The following GSTM3 variants were observed in gnomAD, a reference collection of about 807,000 sequenced individuals.
The protein encoded by GSTM3 is GST class-mu 3.
A neutral mutation model predicts 36.1 loss-of-function variants in GSTM3; 34 were observed. That is an observed-to-expected ratio of 0.94 (90% CI 0.72 to 1.25). The LOEUF (loss-of-function observed/expected upper bound fraction) is 1.25. GSTM3 is among the 50% of genes most tolerant of loss of function. The pLI is 0.00. For missense variants in GSTM3, 266 were observed against 281.6 expected, an observed-to-expected ratio of 0.94 and a Z score of 0.40; for synonymous variants, 102 against 99.5, an observed-to-expected ratio of 1.03 and a Z score of -0.15.
intron 4 of GSTM3, 50 bp from the exon 5 acceptor site, chr1:109,738,416 C>A: frequency 8.7e-7 from 1 of 1,150,314 alleles, no homozygotes. Context: ...TCTCTTGATT[C>A]CCTACCTCTC....
At position 109,735,013 on chromosome 1, in the gene GSTM3, C is replaced by G. The variant is rs1399656313; in HGVS notation, c.*2058G>C. ...TAAAAACTAGTTTCTACTACACAAG[C>G]AATGCATGAGCACATTCTCTTAGTT... On this transcript the variant is annotated 3_prime_UTR_variant, in exon 9 of 9. Transcript: ENST00000361066. 6.6e-6 allele frequency: 1 copy of G among 152,238 alleles called. No individual in the cohort carries two copies. Among genetic ancestry groups the G allele is most frequent in the Non-Finnish European group, 1.5e-5 (1 of 68,046 alleles). 9.4% of individuals were successfully genotyped at this position (152,238 alleles called of 1,614,324 possible). A position where few individuals can be genotyped will look rare whatever the true frequency, so the allele number is the denominator to read the frequency against.
At chr1:109,738,501 T>A (rs1649275326) in intron 4 of GSTM3, 135 bp from the exon 5 acceptor site, 1 of 634,638 alleles carries the variant, frequency 1.6e-6, no homozygotes, top group Non-Finnish European at 2.8e-6. Flanking sequence ...AAAAAGAAAA[T>A]AAGTAGAAGG....
chr1:109,737,818 T>C (rs1649249016), intron 6 of GSTM3, 67 bp from the exon 7 acceptor site: 6 of 949,134 alleles, frequency 6.3e-6, no homozygotes, highest in Admixed American at 4.3e-5. Context: ...CACAGGCCAG[T>C]GATGGACACT....
At position 109,733,954 on chromosome 1, in the gene GSTM3, A is replaced by C. The variant is rs1205599884; in HGVS notation, c.*3117T>G. 6.6e-6 allele frequency: 1 copy of C among 152,196 alleles called. No homozygotes were observed. The highest frequency in any genetic ancestry group is 1.5e-5 in the Non-Finnish European group (1 of 68,038). 9.4% of individuals were successfully genotyped at this position (152,196 alleles called of 1,614,324 possible). A position where few individuals can be genotyped will look rare whatever the true frequency, so the allele number is the denominator to read the frequency against. On this transcript the variant is annotated 3_prime_UTR_variant, in exon 9 of 9. Coordinates refer to ENST00000361066, the MANE Select transcript of GSTM3 (RefSeq NM_000849.5). ...ATGGAGAGTGAGTAGGGCAGAGTAG[A>C]ATTTATTGGGAAAAAGGAAAGCTCT...
chr1:109,737,170 C>G lies in GSTM3; in HGVS notation c.580-1G>C, dbSNP rs777641323. On this transcript the variant is annotated splice_acceptor_variant, in intron 8 of 8. Coordinates refer to ENST00000361066, the MANE Select transcript of GSTM3 (RefSeq NM_000849.5). LOFTEE classifies it high-confidence loss of function. ...AGTAGGCAGCGATTTTCTCCAAAGC[C>G]TGAAAGGAAAATACACCAAATCTTA... 5 of 1,608,128 alleles carry G rather than the reference C, an allele frequency of 3.1e-6. No individual in the cohort carries two copies. The highest frequency in any genetic ancestry group is 4.3e-6 in the Non-Finnish European group (5 of 1,174,588).
In GSTM3 at chr1:109,741,037, C is replaced by T. The variant is rs1483085803; in HGVS notation, c.-309G>A. The T allele has an allele frequency of 6.6e-6, 1 of 152,338 alleles. No individual in the cohort carries two copies. Among genetic ancestry groups the T allele is most frequent in the South Asian group, 2.1e-4 (1 of 4,838 alleles). The allele number at this position is 152,338 out of a possible 1,614,324, so 9.4% of individuals were successfully genotyped here. A position where few individuals can be genotyped will look rare whatever the true frequency, so the allele number is the denominator to read the frequency against. On this transcript the variant is annotated 5_prime_UTR_variant, in exon 1 of 9. Transcript: ENST00000361066. ...TTCCTTGAAGCCTTCTCAGAACCAA[C>T]CTCTATCCTGGCCAGAAGAGGTCTC...
chr1:109,738,212 A>T, intron 5 of GSTM3, 21 bp from the exon 6 acceptor site: 1 of 1,601,886 alleles, frequency 6.2e-7, no homozygotes. Context: ...AATGACAACA[A>T]ATCACCCTTG....
At chr1:109,737,891 G>A (rs1448278433) in intron 6 of GSTM3, 140 bp from the exon 7 acceptor site, 2 of 695,032 alleles carry the variant, frequency 2.9e-6, no homozygotes, top group Non-Finnish European at 5.0e-6. Flanking sequence ...GGTGGGGAAA[G>A]AGGAGTTTAG....
In GSTM3 at chr1:109,736,815, C is replaced by T. The variant is rs772274329; in HGVS notation, c.*256G>A. The T allele has an allele frequency of 2.3e-5, 10 of 430,848 alleles. No individual in the cohort carries two copies. The highest frequency in any genetic ancestry group is 1.1e-4 in the South Asian group (4 of 35,506). 26.7% of individuals were successfully genotyped at this position (430,848 alleles called of 1,614,324 possible). Reference sequence around the variant, plus strand: ...TGTGCAATCTCGTTTTTTCTAGTACCCACTCTCAGGGCTTGGGCATGAACC... The same window carrying T: ...TGTGCAATCTCGTTTTTTCTAGTACTCACTCTCAGGGCTTGGGCATGAACC... On this transcript the variant is annotated 3_prime_UTR_variant, in exon 9 of 9. Coordinates refer to ENST00000361066, the MANE Select transcript of GSTM3 (RefSeq NM_000849.5).
At position 109,735,647 on chromosome 1, in the gene GSTM3, T is replaced by G. The variant is rs1315824498; in HGVS notation, c.*1424A>C. The G allele has an allele frequency of 7.2e-6, 1 of 139,098 alleles. No homozygotes were observed. The highest frequency in any genetic ancestry group is 2.7e-5 in the African/African-American group (1 of 36,364). 8.6% of individuals were successfully genotyped at this position (139,098 alleles called of 1,614,324 possible). ...TCTCTTTGAATGTTTTTTTTTTTTTTTTTTTTTTTTTTTTGAGACAGAGTC... is the reference window on the plus strand; with the variant it reads ...TCTCTTTGAATGTTTTTTTTTTTTTGTTTTTTTTTTTTTTGAGACAGAGTC... On this transcript the variant is annotated 3_prime_UTR_variant, in exon 9 of 9. Transcript: ENST00000361066.
At chr1:109,740,038 C>T (rs1649322919) in intron 2 of GSTM3, 130 bp from the exon 3 acceptor site, 1 of 913,882 alleles carries the variant, frequency 1.1e-6, no homozygotes, top group Non-Finnish European at 1.7e-6. Context: ...GGCCCCTAGG[C>T]CCGGCTCCGG....
intron 1 of GSTM3, 98 bp from the exon 2 acceptor site, chr1:109,740,609 G>T (rs56098179): frequency 2.6e-6 from 1 of 386,092 alleles, no homozygotes; most frequent in African/African-American, 2.2e-5. Flanking sequence ...GACGCGAAAA[G>T]CACCACTAGC....
chr1:109,740,213 C>G (rs371271016), intron 2 of GSTM3, 27 bp downstream of exon 2: 11 of 1,603,228 alleles, frequency 6.9e-6, no homozygotes, highest in African/African-American at 1.3e-5. Context: ...TTTGACCGAG[C>G]GGCTCTACCG....
In GSTM3 at chr1:109,737,734, C is replaced by T. The variant is rs1649246588; in HGVS notation, c.390G>A (p.Gln130=). The stretch of plus-strand genomic sequence containing the variant: ...GTTGTCCAGGTAGCTCTTCCAAGTA[C>T]TGAGGCTTCAGTTTTTCCTGAGAGG... ...YSSDHEKLKP[Q]YLEELPGQLK... is the part of the protein sequence containing the mutation. Residue 130 remains glutamine (Q), a synonymous_variant, in exon 7 of 9, where the codon CAG becomes CAA. Coordinates refer to ENST00000361066, the MANE Select transcript of GSTM3 (RefSeq NM_000849.5). 6.3e-7 allele frequency: 1 copy of T among 1,594,394 alleles called. No homozygotes were observed.
intron 4 of GSTM3, 142 bp downstream of exon 4, chr1:109,739,287 T>A: frequency 1.8e-6 from 1 of 554,380 alleles, no homozygotes; most frequent in East Asian, 2.6e-5. Flanking sequence ...TCCATCCAGT[T>A]CAAGGACCCC....
rs757150122 is a variant in GSTM3 at position 109,739,861 on chromosome 1, A to G, written c.96T>C (p.Tyr32=). 15 of 1,554,400 alleles carry G rather than the reference A, an allele frequency of 9.7e-6. No homozygotes were observed. The East Asian group carries it at 1.2e-4, about 13-fold the overall frequency. The change falls in exon 3 of 9, where the codon TAT becomes TAC. Residue 32 remains tyrosine, a synonymous_variant. Coordinates refer to ENST00000361066, the MANE Select transcript of GSTM3 (RefSeq NM_000849.5). The part of the protein sequence containing the change: ...RLLLEFTDTS[Y]EEKRYTCGEA... ...CCCCGCACGTGTACCGTTTCTCCTC[A>G]TAAGAGGTATCCGTGAACTCCAGGA...
At position 109,740,244 on chromosome 1, in the gene GSTM3, C is replaced by G. The variant is rs1345816014; in HGVS notation, c.44G>C (p.Arg15Pro). The change falls in exon 2 of 9, where the codon CGT (arginine) becomes CCT (proline). Residue 15 changes from arginine (R) to proline (P), a missense_variant. Physicochemically the swap from Arg to Pro is moderately radical, Grantham distance 103. Coordinates refer to ENST00000361066, the MANE Select transcript of GSTM3 (RefSeq NM_000849.5). Reference protein sequence around the residue: ...SSMVLGYWDIRGLAHAIRLLL... With the variant: ...SSMVLGYWDIPGLAHAIRLLL... The stretch of plus-strand genomic sequence containing the variant: ...TACCGTTGAGACGGCACTCACCCCA[C>G]GAATATCCCAGTACCCGAGAACCAT... The G allele has an allele frequency of 1.9e-6, 3 of 1,613,410 alleles. No homozygotes were observed. The highest frequency in any genetic ancestry group is 2.5e-6 in the Non-Finnish European group (3 of 1,179,502).
chr1:109,740,564 G>T, intron 1 of GSTM3, 53 bp from the exon 2 acceptor site: 1 of 507,150 alleles, frequency 2.0e-6, no homozygotes, highest in South Asian at 2.4e-5. Flanking sequence ...CCCGCGGGTG[G>T]GAGCCAGACT....
At chr1:109,737,403 G>A in intron 8 of GSTM3, 54 bp downstream of exon 8, 1 of 1,137,426 alleles carries the variant, frequency 8.8e-7, no homozygotes, top group Non-Finnish European at 1.3e-6. Context: ...GATCCTGCAG[G>A]TCCCAGGGGA....
Sources: gnomAD v4.1 joint callset for allele counts on GRCh38, gnomAD v4.1.1 for gene constraint, MANE v1.5 for transcripts, NCBI Gene and HGNC (gene_info 2026-07-23, HGNC 2026-07-21) for gene names.